ADD2: variants seen among roughly 807,000 people sequenced by gnomAD.
ADD2 encodes the protein beta-adducin.
In ADD2, 23 loss-of-function variants were observed where a neutral mutation model predicts 83.0. The observed-to-expected ratio is 0.28, with a 90% CI of 0.20 to 0.39. The LOEUF (loss-of-function observed/expected upper bound fraction) is 0.39, where lower values mean the gene tolerates loss of function less well. Among genes scored for constraint, ADD2 ranks in the 10% least tolerant of loss-of-function variants. The pLI is 1.00. For synonymous variants in ADD2, 375 were observed against 375.4 expected, an observed-to-expected ratio of 1.00 and a Z score of 0.01; for missense variants, 758 against 944.9, an observed-to-expected ratio of 0.80 and a Z score of 2.59.
chr2:70,704,371 G>C lies in ADD2; in HGVS notation c.272C>G (p.Ala91Gly). ...GTGGGAGGTGCTGGCCATGAAGTCC[G>C]CGATCTGTCGCAGGGCCCAGATGTT... ...SSNIWALRQI[A>G]DFMASTSHAV... The change falls in exon 4 of 16, where the codon GCG becomes GGG. Residue 91 changes from alanine (A) to glycine (G), a missense_variant. Around this residue, in one of 5 missense-constraint regions of ADD2, gnomAD observed 175 missense variants for 192.1 expected, o/e 0.91. Coordinates refer to ENST00000264436, the MANE Select transcript of ADD2 (RefSeq NM_001617.4). The C allele has an allele frequency of 6.2e-7, 1 of 1,609,534 alleles. No individual in the cohort carries two copies. Among genetic ancestry groups the C allele is most frequent in the Non-Finnish European group, 8.5e-7 (1 of 1,178,004 alleles).
rs1056508235 is a variant in ADD2, at chr2:70,663,270, C to T, written c.*155G>A. On this transcript the variant is annotated 3_prime_UTR_variant, in exon 16 of 16. Coordinates refer to ENST00000264436, the MANE Select transcript of ADD2 (RefSeq NM_001617.4). ...TGATTTCTCTTGGGCAACTGTAAAA[C>T]GAAGGGTTGGTCGGGTGATCTCTAA... The T allele has an allele frequency of 8.7e-5, 75 of 858,768 alleles. No individual in the cohort carries two copies. Among genetic ancestry groups the T allele is most frequent in the Non-Finnish European group, 1.2e-4 (66 of 561,024 alleles). 53.2% of individuals were successfully genotyped at this position (858,768 alleles called of 1,614,324 possible).
intron 9 of ADD2, among the ~76,000 whole-genome samples, chr2:70,686,832 C>T (rs1343669757): frequency 1.3e-5 from 2 of 152,162 alleles, no homozygotes; most frequent in Admixed American, 6.5e-5. Flanking sequence ...TCTAATACTT[C>T]ATCATTATCT....
intron 1 of ADD2, among the ~76,000 whole-genome samples, chr2:70,744,512 G>A (rs1038944882): frequency 1.3e-5 from 2 of 152,100 alleles, no homozygotes; most frequent in Admixed American, 6.6e-5. Context: ...TGACATGAAA[G>A]GGCATTCCTA....
At chr2:70,715,571 A>G (rs2104419725) in intron 1 of ADD2, among the ~76,000 whole-genome samples, 1 of 152,242 alleles carries the variant, frequency 6.6e-6, no homozygotes, top group East Asian at 1.9e-4. Flanking sequence ...TGTGCAGTCA[A>G]GCTGGGCTGT....
Position 70,663,087 on chromosome 2 carries a change from T to C in ADD2, c.*338A>G, listed in dbSNP as rs1302518830. The C allele has an allele frequency of 1.7e-5, 4 of 234,182 alleles. No homozygotes were observed. In the Admixed American group the frequency reaches 2.0e-4, roughly 12 times the overall value. 14.5% of individuals were successfully genotyped at this position (234,182 alleles called of 1,614,324 possible). A position where few individuals can be genotyped will look rare whatever the true frequency, so the allele number is the denominator to read the frequency against. On this transcript the variant is annotated 3_prime_UTR_variant, in exon 16 of 16. Transcript: ENST00000264436. ...AGCTCACGGCCCATTTCTGGCCTTC[T>C]TGCCCTAGGCTCAGATTGGTGGACA...
chr2:70,755,686 T>C (rs1298541407), intron 1 of ADD2, among the ~76,000 whole-genome samples: 1 of 152,214 alleles, frequency 6.6e-6, no homozygotes, highest in East Asian at 1.9e-4. Flanking sequence ...TTTTCTTAAA[T>C]ATTTTTTATT....
In ADD2 at chr2:70,664,552, G is replaced by C. The variant is rs569646405; in HGVS notation, c.1871-817C>G. ...AAAACCACAGACTGAAAAGTAGAAA[G>C]CAAGGTAAATATTATCTGATGCCTC... On this transcript the variant is annotated intron_variant, in intron 15 of 15. Transcript: ENST00000264436. Among the ~76,000 whole-genome samples the C allele has an allele frequency of 1.2e-4, 19 of 152,324 alleles. No homozygotes were observed. In the South Asian group the frequency reaches 2.3e-3, roughly 18 times the overall value.
At chr2:70,673,293 G>T (rs782726713) in intron 14 of ADD2, 1 of 1,613,978 alleles carries the variant, frequency 6.2e-7, no homozygotes, top group Admixed American at 1.7e-5. Flanking sequence ...GCACACGGCC[G>T]GACCAGAGCC....
chr2:70,663,834 A>T (rs1675639549), intron 15 of ADD2, 99 bp from the exon 16 acceptor site: 41 of 1,314,770 alleles, frequency 3.1e-5, no homozygotes, highest in Non-Finnish European at 3.5e-5. Context: ...CTATAAAATC[A>T]ATCCAGAGCG....
chr2:70,683,646 T>C lies in ADD2; in HGVS notation c.1070A>G (p.Lys357Arg), dbSNP rs1553369976. The change falls in exon 10 of 16, where the codon AAG becomes AGG. Residue 357 changes from lysine (K) to arginine (R), a missense_variant. Physicochemically the swap from Lys to Arg is conservative, Grantham distance 26. This residue lies in a region of ADD2 where 394 missense variants were observed against 509.3 expected (regional missense o/e 0.77). Transcript: ENST00000264436. ...AAACTCATGCTCCCCCAGCCGACTC[T>C]TCTGCATAGGCCCAAAGGTGCTCCC... Reference protein sequence around the residue: ...WAGSTFGPMQKSRLGEHEFEA... With the variant: ...WAGSTFGPMQRSRLGEHEFEA... The C allele has an allele frequency of 6.2e-6, 10 of 1,614,120 alleles. No individual in the cohort carries two copies. The highest frequency in any genetic ancestry group is 8.5e-6 in the Non-Finnish European group (10 of 1,179,986).
intron 1 of ADD2, among the ~76,000 whole-genome samples, chr2:70,741,576 C>T (rs1553381139): frequency 6.6e-6 from 1 of 152,208 alleles, no homozygotes; most frequent in African/African-American, 2.4e-5. Context: ...CATTCCAGGT[C>T]AGCATTCCCA....
intron 1 of ADD2, among the ~76,000 whole-genome samples, chr2:70,749,585 A>G (rs1674405045): frequency 1.3e-5 from 2 of 152,230 alleles, no homozygotes; most frequent in South Asian, 4.1e-4. Flanking sequence ...CCCCAAAGCT[A>G]GAAGCAACCA....
intron 7 of ADD2, 37 bp downstream of exon 7, chr2:70,692,366 C>T (rs372110209): frequency 1.1e-4 from 161 of 1,501,188 alleles, no homozygotes; most frequent in African/African-American, 4.0e-4. Flanking sequence ...GGCAGCCTTA[C>T]GTCTTTCCTT....
intron 1 of ADD2, chr2:70,741,450 A>T (rs1673900338): frequency 6.6e-6 from 1 of 152,240 alleles, no homozygotes; most frequent in African/African-American, 2.4e-5. Flanking sequence ...AAATGTATTA[A>T]CGAAGAGGGC....
intron 1 of ADD2, among the ~76,000 whole-genome samples, chr2:70,734,534 T>C (rs145535524): frequency 7.9e-5 from 12 of 152,128 alleles, no homozygotes; most frequent in African/African-American, 2.9e-4. Flanking sequence ...CACATTGGTC[T>C]GGAAGGAGGG....
chr2:70,757,605 T>C (rs1558583671), intron 1 of ADD2, among the ~76,000 whole-genome samples: 1 of 152,018 alleles, frequency 6.6e-6, no homozygotes, highest in African/African-American at 2.4e-5. Flanking sequence ...GAATAAATTC[T>C]AAAAAAAGGG....
At chr2:70,714,036 G>A (rs1375966554) in intron 1 of ADD2, among the ~76,000 whole-genome samples, 1 of 151,898 alleles carries the variant, frequency 6.6e-6, no homozygotes, top group Admixed American at 6.6e-5. Flanking sequence ...GCTAATACCT[G>A]GATAAAAGGT....
chr2:70,746,324 C>T (rs571745951), intron 1 of ADD2, among the ~76,000 whole-genome samples: 169 of 152,322 alleles, frequency 1.1e-3, no homozygotes, highest in African/African-American at 3.9e-3. Flanking sequence ...TCTTTGATTA[C>T]AGTACCTAGC....
At chr2:70,708,273 A>G (rs889931296) in intron 2 of ADD2, among the ~76,000 whole-genome samples, 3 of 152,220 alleles carry the variant, frequency 2.0e-5, no homozygotes, top group Non-Finnish European at 2.9e-5. Flanking sequence ...GCGCATGGAC[A>G]GAGTTCCTCA....
Sources: gnomAD v4.1 joint callset for allele counts (sites outside exome capture counted in the v4.1 genomes callset) on GRCh38, gnomAD v4.1.1 for gene constraint, gnomAD v4.1.1 regional missense constraint, MANE v1.5 for transcripts, NCBI Gene and HGNC (gene_info 2026-07-23, HGNC 2026-07-21) for gene names.